CDH11: variants seen among roughly 807,000 people sequenced by gnomAD.
CDH11 encodes the protein cadherin 11, also known as cadherin-11.
In CDH11, 11 loss-of-function variants were observed where a neutral mutation model predicts 67.8. The observed-to-expected ratio is 0.16, with a 90% confidence interval of 0.10 to 0.27. CDH11 has a LOEUF of 0.27. Among genes scored for constraint, CDH11 ranks in the 10% least tolerant of loss-of-function variants. CDH11 has a pLI of 1.00. For synonymous variants in CDH11, 419 were observed against 400.0 expected (o/e 1.05, Z -0.57); for missense variants, 847 against 1,031.2 (o/e 0.82, Z 2.45).
rs748036442 is a variant in CDH11 at position 65,004,592 on chromosome 16, T to A, written c.228+50A>T. 4.5e-6 allele frequency: 7 copies of A among 1,559,390 alleles called. No individual in the cohort carries two copies. The East Asian group carries it at 1.4e-4, about 31-fold the overall frequency. Reference sequence around the variant, plus strand: ...TTGCTTCTTTCTGGCCACAGACGACTATTCCAATGGTGGGTTGGAAAGCTC... The same window carrying A: ...TTGCTTCTTTCTGGCCACAGACGACAATTCCAATGGTGGGTTGGAAAGCTC... On this transcript the variant is annotated intron_variant, in intron 3 of 12. Coordinates refer to ENST00000268603, the MANE Select transcript of CDH11 (RefSeq NM_001797.4).
chr16:65,035,367 G>T (rs866776617), intron 2 of CDH11, among the ~76,000 whole-genome samples: 1 of 152,210 alleles, frequency 6.6e-6, no homozygotes, highest in African/African-American at 2.4e-5. Flanking sequence ...AAAGTAAGTT[G>T]CAAAGCACAT....
chr16:65,093,408 A>G (rs762703810), intron 1 of CDH11, among the ~76,000 whole-genome samples: 12 of 152,006 alleles, frequency 7.9e-5, no homozygotes, highest in Non-Finnish European at 1.3e-4. Flanking sequence ...TGGGTGACAG[A>G]AGTGCCCAGA....
intron 5 of CDH11, among the ~76,000 whole-genome samples, 179 bp downstream of exon 5, chr16:64,992,736 T>C (rs569791290): frequency 2.8e-4 from 43 of 152,276 alleles, no homozygotes; most frequent in Non-Finnish European, 5.1e-4. Context: ...AAATGTTTCA[T>C]GGTGTACTAA....
chr16:65,097,903 G>T (rs938256394), intron 1 of CDH11, among the ~76,000 whole-genome samples: 1 of 151,962 alleles, frequency 6.6e-6, no homozygotes, highest in Non-Finnish European at 1.5e-5. Flanking sequence ...CTGTGATTTC[G>T]CCCAATAACT....
intron 1 of CDH11, among the ~76,000 whole-genome samples, chr16:65,073,449 T>G (rs2142774260): frequency 6.6e-6 from 1 of 152,276 alleles, no homozygotes; most frequent in South Asian, 2.1e-4. Flanking sequence ...TCCAGCTAAC[T>G]TTTTATAATT....
intron 6 of CDH11, 175 bp downstream of exon 6, chr16:64,991,593 T>G: frequency 3.4e-5 from 16 of 472,400 alleles, no homozygotes; most frequent in East Asian, 9.6e-5. Flanking sequence ...CTCCCCGACA[T>G]TGTTGTTGTT....
intron 1 of CDH11, chr16:65,118,832 T>C (rs2075283433): frequency 6.6e-6 from 1 of 152,224 alleles, no homozygotes; most frequent in Non-Finnish European, 1.5e-5. Flanking sequence ...AGTGAAAACA[T>C]CAATATTGAA....
intron 8 of CDH11, chr16:64,981,813 G>A (rs2072357588): frequency 1.6e-5 from 6 of 380,380 alleles, no homozygotes; most frequent in Non-Finnish European, 2.8e-5. Context: ...TAGTATGCCT[G>A]GGGGAATCTG....
chr16:65,093,549 G>A (rs552762570), intron 1 of CDH11, among the ~76,000 whole-genome samples: 13 of 151,842 alleles, frequency 8.6e-5, no homozygotes, highest in African/African-American at 2.4e-4. Flanking sequence ...ATTATTTTTC[G>A]ACATGAATTT....
chr16:65,015,038 T>TATC (rs1284333749), intron 2 of CDH11, among the ~76,000 whole-genome samples: 2 of 147,648 alleles, frequency 1.4e-5, no homozygotes, highest in Non-Finnish European at 3.0e-5. Context: ...TTATTATTAT[T>TATC]ATTATTATTA....
chr16:65,096,049 A>G (rs891624034), intron 1 of CDH11, among the ~76,000 whole-genome samples: 1 of 152,222 alleles, frequency 6.6e-6, no homozygotes, highest in Non-Finnish European at 1.5e-5. Context: ...ATTTCTCTAC[A>G]TGCTCTGATA....
At chr16:64,984,769 A>T (rs1207836025) in intron 7 of CDH11, 1 of 152,200 alleles carries the variant, frequency 6.6e-6, no homozygotes, top group Non-Finnish European at 1.5e-5. Context: ...ATTAAAAATG[A>T]TTATGTACAT....
At chr16:65,047,490 T>G (rs1047001408) in intron 2 of CDH11, among the ~76,000 whole-genome samples, 2 of 151,954 alleles carry the variant, frequency 1.3e-5, no homozygotes, top group Non-Finnish European at 2.9e-5. Flanking sequence ...CAGCTGGGAC[T>G]ACAGGCACGC....
In CDH11 at chr16:65,062,760, C is replaced by T. The variant is rs139521461; in HGVS notation, c.-297-8832G>A. Among the ~76,000 whole-genome samples the T allele has an allele frequency of 2.6e-4, 39 of 152,302 alleles. No homozygotes were observed. In the East Asian group the frequency reaches 7.3e-3, roughly 29 times the overall value. ...GGTAGACAAAGGCACAAACTAAATG[C>T]TTCAAAAGAGCTTTCAAACCAATGA... On this transcript the variant is annotated intron_variant, in intron 1 of 12. Transcript: ENST00000268603.
chr16:65,087,006 T>C (rs1193367858), intron 1 of CDH11, among the ~76,000 whole-genome samples: 1 of 152,124 alleles, frequency 6.6e-6, no homozygotes, highest in African/African-American at 2.4e-5. Flanking sequence ...GAATTTTAAA[T>C]GAGAAGAAAA....
chr16:64,948,163 G>T, intron 12 of CDH11, 64 bp from the exon 13 acceptor site: 1 of 1,550,914 alleles, frequency 6.4e-7, no homozygotes, highest in South Asian at 1.2e-5. Context: ...TCTTCTGCCA[G>T]AGGAACTCTG....
intron 1 of CDH11, among the ~76,000 whole-genome samples, chr16:65,103,279 A>G (rs1316306500): frequency 6.6e-6 from 1 of 152,218 alleles, no homozygotes; most frequent in East Asian, 1.9e-4. Flanking sequence ...TGTTTTAAAC[A>G]ATTGTGTATG....
chr16:65,019,744 A>G (rs1183029739), intron 2 of CDH11, among the ~76,000 whole-genome samples: 1 of 152,088 alleles, frequency 6.6e-6, no homozygotes, highest in Admixed American at 6.5e-5. Context: ...AATTTATAGA[A>G]ATATTGAATA....
chr16:65,035,090 T>C (rs1044554946), intron 2 of CDH11, among the ~76,000 whole-genome samples: 9 of 152,156 alleles, frequency 5.9e-5, no homozygotes, highest in Admixed American at 3.9e-4. Context: ...GCAGTGACGT[T>C]GCAAGGCTGC....
Sources: allele counts gnomAD v4.1 joint callset (sites outside exome capture counted in the v4.1 genomes callset), GRCh38; gene constraint gnomAD v4.1.1; transcripts MANE v1.5; gene names NCBI Gene and HGNC (gene_info 2026-07-23, HGNC 2026-07-21).